Variants in COL14A1 observed in about 807,000 individuals in gnomAD.
The protein encoded by COL14A1 is collagen alpha-1(XIV) chain.
COL14A1 carries 136 observed loss-of-function variants against 230.3 expected under a neutral mutation model. That is an observed-to-expected ratio of 0.59 (90% CI 0.51 to 0.68). COL14A1 has a LOEUF of 0.68. Among genes scored for constraint, COL14A1 ranks in the 30% least tolerant of loss-of-function variants. The probability of loss-of-function intolerance (pLI) is 0.00; values close to 1 mark genes in which losing one functional copy is unlikely to be tolerated. For missense variants in COL14A1, 1,976 were observed against 2,215.8 expected, an observed-to-expected ratio of 0.89 and a Z score of 2.17; for synonymous variants, 792 against 784.1, an observed-to-expected ratio of 1.01 and a Z score of -0.17.
intron 35 of COL14A1, among the ~76,000 whole-genome samples, chr8:120,300,000 G>T (rs1206040760): frequency 6.6e-6 from 1 of 152,114 alleles, no homozygotes; most frequent in Non-Finnish European, 1.5e-5. Flanking sequence ...TTTGGCTGCT[G>T]CTCTAAATGG....
chr8:120,305,152 G>A (rs1820821586), intron 36 of COL14A1, among the ~76,000 whole-genome samples: 1 of 151,896 alleles, frequency 6.6e-6, no homozygotes, highest in Non-Finnish European at 1.5e-5. Flanking sequence ...CTAATTTTTT[G>A]CATTTTTAGT....
chr8:120,262,566 G>A (rs991077356), intron 23 of COL14A1, among the ~76,000 whole-genome samples: 4 of 152,152 alleles, frequency 2.6e-5, no homozygotes, highest in South Asian at 4.1e-4. Flanking sequence ...AGATCAGTTA[G>A]GATGTGTGCA....
intron 2 of COL14A1, among the ~76,000 whole-genome samples, chr8:120,156,975 T>C (rs1489149297): frequency 6.6e-6 from 1 of 152,156 alleles, no homozygotes; most frequent in Non-Finnish European, 1.5e-5. Flanking sequence ...TAAAAGTGGA[T>C]AAAAAAGGCT....
chr8:120,243,772 A>T (rs1818679930), intron 19 of COL14A1, 107 bp from the exon 20 acceptor site: 2 of 1,313,908 alleles, frequency 1.5e-6, no homozygotes, highest in African/African-American at 3.0e-5. Flanking sequence ...CTCTCAAAGC[A>T]CATCTCTTTT....
chr8:120,349,200 A>G (rs1822653534), intron 45 of COL14A1, among the ~76,000 whole-genome samples: 1 of 151,712 alleles, frequency 6.6e-6, no homozygotes, highest in Non-Finnish European at 1.5e-5. Flanking sequence ...GAAAACTAAC[A>G]AACAGAAAGG....
chr8:120,179,339 AG>A (rs748988335), intron 5 of COL14A1, among the ~76,000 whole-genome samples: 3 of 152,240 alleles, frequency 2.0e-5, no homozygotes, highest in Non-Finnish European at 2.9e-5. Context: ...ACTTCAACAA[AG>A]TCTCAAGATA....
intron 1 of COL14A1, among the ~76,000 whole-genome samples, chr8:120,137,136 C>T (rs561449364): frequency 1.4e-4 from 22 of 152,154 alleles, no homozygotes; most frequent in African/African-American, 5.3e-4. Flanking sequence ...CAAATTTAAT[C>T]TCTTTAATAG....
chr8:120,235,164 CT>C (rs1396730638), intron 19 of COL14A1, among the ~76,000 whole-genome samples: 2 of 151,892 alleles, frequency 1.3e-5, no homozygotes, highest in Non-Finnish European at 2.9e-5. Flanking sequence ...GTGATATCCC[CT>C]TTATCATTTT....
intron 36 of COL14A1, among the ~76,000 whole-genome samples, chr8:120,306,882 A>G (rs1820872513): frequency 1.3e-5 from 2 of 152,184 alleles, no homozygotes; most frequent in South Asian, 4.2e-4. Context: ...TTGAAAACAA[A>G]TCATTTAAGA....
intron 9 of COL14A1, among the ~76,000 whole-genome samples, chr8:120,205,364 C>G (rs977940519): frequency 6.6e-6 from 1 of 152,144 alleles, no homozygotes; most frequent in Non-Finnish European, 1.5e-5. Flanking sequence ...ACCTTCTTCT[C>G]TCTACTTTTC....
intron 14 of COL14A1, among the ~76,000 whole-genome samples, chr8:120,217,867 T>C (rs1002821824): frequency 3.3e-5 from 5 of 150,874 alleles, no homozygotes; most frequent in African/African-American, 1.2e-4. Context: ...GAGTGAAGCA[T>C]GCCATTAAAT....
chr8:120,335,923 T>C (rs1357768662), intron 42 of COL14A1, among the ~76,000 whole-genome samples: 2 of 152,148 alleles, frequency 1.3e-5, no homozygotes, highest in Non-Finnish European at 2.9e-5. Context: ...AGTATTGCAT[T>C]AGAAGTCAGG....
At chr8:120,299,980 C>T (rs935557521) in intron 35 of COL14A1, among the ~76,000 whole-genome samples, 2 of 152,114 alleles carry the variant, frequency 1.3e-5, no homozygotes, top group Non-Finnish European at 2.9e-5. Flanking sequence ...TATCCCAGTG[C>T]TGAGCTCATT....
chr8:120,258,535 A>C (rs1385036284), intron 23 of COL14A1, among the ~76,000 whole-genome samples: 1 of 152,140 alleles, frequency 6.6e-6, no homozygotes, highest in Non-Finnish European at 1.5e-5. Context: ...AAAGACCAAG[A>C]CTGAGGAGGA....
rs1819389307 is a variant in COL14A1, at chr8:120,263,025, T to C, written c.3016+11T>C. ...TAATGGAAAAAACACGTAAGTCATG[T>C]GTGTTCTCTCCTGATCCCTCTCCCC... On this transcript the variant is annotated intron_variant, in intron 24 of 47. Transcript: ENST00000297848. The C allele has an allele frequency of 1.3e-6, 2 of 1,598,712 alleles. No homozygotes were observed. The highest frequency in any genetic ancestry group is 1.7e-6 in the Non-Finnish European group (2 of 1,174,272).
chr8:120,154,041 A>C (rs1211707915), intron 2 of COL14A1, among the ~76,000 whole-genome samples: 4 of 152,202 alleles, frequency 2.6e-5, no homozygotes, highest in African/African-American at 9.7e-5. Context: ...GGATGCTGTC[A>C]TATAAGGAAG....
chr8:120,313,426 T>G (rs1355165648), intron 37 of COL14A1, among the ~76,000 whole-genome samples: 1 of 152,010 alleles, frequency 6.6e-6, no homozygotes, highest in Non-Finnish European at 1.5e-5. Flanking sequence ...CAGTGGACAT[T>G]GAAGAAGGTG....
At chr8:120,207,193 TC>T (rs1817464115) in intron 10 of COL14A1, 99 bp downstream of exon 10, 1 of 1,058,866 alleles carries the variant, frequency 9.4e-7, no homozygotes, top group African/African-American at 1.6e-5. Context: ...GATTATTCCG[TC>T]ACAGACATTT....
At chr8:120,236,573 T>C in intron 19 of COL14A1, among the ~76,000 whole-genome samples, 1 of 152,200 alleles carries the variant, frequency 6.6e-6, no homozygotes, top group East Asian at 1.9e-4. Context: ...TTTTAACCAA[T>C]TTGCCAGTCT....
Sources: allele counts gnomAD v4.1 joint callset (sites outside exome capture counted in the v4.1 genomes callset), GRCh38; gene constraint gnomAD v4.1.1; transcripts MANE v1.5; gene names NCBI Gene and HGNC (gene_info 2026-07-23, HGNC 2026-07-21).